MYO16: variants seen among roughly 807,000 people sequenced by gnomAD.
MYO16 encodes unconventional myosin-XVI.
Under a neutral mutation model 205.3 loss-of-function variants are expected in MYO16, and 94 were observed. The ratio of observed to expected loss-of-function variants is 0.46; its 90% CI spans 0.39 to 0.54. MYO16 has a LOEUF of 0.54. MYO16 is among the 20% of genes least tolerant of loss of function. MYO16 has a pLI of 0.00. For synonymous variants in MYO16, 988 were observed against 954.0 expected (o/e 1.04, Z -0.66); for missense variants, 2,315 against 2,387.5 (o/e 0.97, Z 0.63).
At chr13:108,585,698 A>C in the MYO16 span, among the ~76,000 whole-genome samples, 1 of 152,190 alleles carries the variant, frequency 6.6e-6, no homozygotes, top group Non-Finnish European at 1.5e-5. Context: ...TTGTTTCATA[A>C]TGTCATGCCA....
chr13:109,138,561 ATAT>A (rs1876887151), intron 31 of MYO16, among the ~76,000 whole-genome samples: 1 of 152,074 alleles, frequency 6.6e-6, no homozygotes, highest in Admixed American at 6.5e-5. Flanking sequence ...TCTTGTAATA[ATAT>A]TATGCTCATT....
At chr13:108,499,634 A>G in the MYO16 span, among the ~76,000 whole-genome samples, 1 of 152,224 alleles carries the variant, frequency 6.6e-6, no homozygotes, top group African/African-American at 2.4e-5. Flanking sequence ...ACAATAAACC[A>G]GGCCATTAAT....
chr13:108,533,155 T>C, the MYO16 span, among the ~76,000 whole-genome samples: 7 of 152,160 alleles, frequency 4.6e-5, no homozygotes, highest in Admixed American at 2.6e-4. Context: ...GAGAGGACCA[T>C]TCATGTCAGG....
rs181218520 is a variant in MYO16, at chr13:108,986,033, G to A, written c.2370-6343G>A. On this transcript the variant is annotated intron_variant, in intron 20 of 34. Coordinates refer to ENST00000457511, the MANE Select transcript of MYO16 (RefSeq NM_001198950.3). ...GGCAGAAGGCGAAGGAGGAGCAGAG[G>A]CACATCTTACATGGCAGCAGGCAAG... Among the ~76,000 whole-genome samples, 1,042 of 152,248 alleles carry A rather than the reference G, an allele frequency of 6.8e-3. 10 individuals are homozygous for A. Among genetic ancestry groups the A allele is most frequent in the Non-Finnish European group, 0.011 (733 of 68,020 alleles).
chr13:108,859,044 G>T (rs196156), intron 11 of MYO16, among the ~76,000 whole-genome samples: 21,472 of 152,044 alleles, frequency 0.14, 1,675 homozygotes, highest in East Asian at 0.28. Flanking sequence ...CAGTCTATTT[G>T]AAATCGCAAA....
rs1336841482 is a variant in MYO16 at position 108,729,558 on chromosome 13, TCTGA to T, written c.507+1978_507+1981del. 4.6e-5 allele frequency among the ~76,000 whole-genome samples: 7 copies of T among 152,336 alleles called. No homozygotes were observed. The East Asian group carries it at 1.2e-3, about 25-fold the overall frequency. On this transcript the variant is annotated intron_variant, in intron 4 of 34. Coordinates refer to ENST00000457511, the MANE Select transcript of MYO16 (RefSeq NM_001198950.3). ...TCAAAGCCCATCCTTATTTCTTTTC[TCTGA>T]CTAATTATTATTAATTAAATTAAGC...
chr13:108,585,810 G>A, the MYO16 span, among the ~76,000 whole-genome samples: 1 of 152,120 alleles, frequency 6.6e-6, no homozygotes, highest in East Asian at 1.9e-4. Context: ...CCCTTAGGTA[G>A]GAATTTGGGC....
chr13:108,650,755 A>G (rs1880963340), intron 1 of MYO16, among the ~76,000 whole-genome samples: 2 of 152,184 alleles, frequency 1.3e-5, no homozygotes, highest in African/African-American at 2.4e-5. Context: ...GAGCTCTTAC[A>G]TCTTGAAGAC....
intron 6 of MYO16, among the ~76,000 whole-genome samples, chr13:108,799,939 C>A (rs1566337300): frequency 6.6e-6 from 1 of 152,154 alleles, no homozygotes; most frequent in Non-Finnish European, 1.5e-5. Flanking sequence ...ACTGAGCCCT[C>A]TTTAGATGGT....
At chr13:108,980,088 T>A (rs543616338) in intron 20 of MYO16, among the ~76,000 whole-genome samples, 1 of 152,144 alleles carries the variant, frequency 6.6e-6, no homozygotes. Flanking sequence ...ATTTATCAGA[T>A]CTAGGAGAAT....
chr13:108,594,293 T>TCCCTCTTG (rs1025439807), upstream of MYO16, among the ~76,000 whole-genome samples: 7 of 152,308 alleles, frequency 4.6e-5, no homozygotes, highest in African/African-American at 1.7e-4. Context: ...ATCCTGTAAG[T>TCCCTCTTG]CCCTCTTGCT....
chr13:109,101,180 G>A (rs956843820), intron 28 of MYO16: 3 of 280,076 alleles, frequency 1.1e-5, no homozygotes, highest in Non-Finnish European at 2.1e-5. Context: ...TGTCAGTAAA[G>A]CATTTTGTCA....
intron 1 of MYO16, among the ~76,000 whole-genome samples, chr13:108,621,923 A>G (rs1879557870): frequency 6.6e-6 from 1 of 152,134 alleles, no homozygotes; most frequent in Non-Finnish European, 1.5e-5. Flanking sequence ...GACTGTGCCT[A>G]ATTTATAAAC....
rs1886439002 is a variant in MYO16 at position 108,785,750 on chromosome 13, A to G, written c.616+7A>G. 1.3e-6 allele frequency: 2 copies of G among 1,524,198 alleles called. No individual in the cohort carries two copies. Among genetic ancestry groups the G allele is most frequent in the Non-Finnish European group, 9.0e-7 (1 of 1,109,018 alleles). 94.4% of individuals were successfully genotyped at this position (1,524,198 alleles called of 1,614,324 possible). A position where few individuals can be genotyped will look rare whatever the true frequency, so the allele number is the denominator to read the frequency against. ...ACCTATCTGGATGAAAATGGTAGGC[A>G]AAAACTTTTAAAACCATAGAAAAAA... is the stretch of plus-strand genomic sequence containing the variant. On this transcript the variant is annotated splice_region_variant and intron_variant, in intron 5 of 34. Transcript: ENST00000457511.
intron 31 of MYO16, among the ~76,000 whole-genome samples, chr13:109,133,535 C>T (rs1205892096): frequency 6.6e-6 from 1 of 152,158 alleles, no homozygotes; most frequent in Non-Finnish European, 1.5e-5. Flanking sequence ...ACGTGACACA[C>T]ATGTCCGTAT....
At chr13:108,714,266 A>G (rs1434108619) in intron 3 of MYO16, among the ~76,000 whole-genome samples, 4 of 152,154 alleles carry the variant, frequency 2.6e-5, no homozygotes, top group Non-Finnish European at 4.4e-5. Context: ...CATGTTCGCT[A>G]GGATAGTCTG....
chr13:108,680,475 G>A (rs1269651601), intron 2 of MYO16, among the ~76,000 whole-genome samples: 1 of 152,132 alleles, frequency 6.6e-6, no homozygotes, highest in Admixed American at 6.6e-5. Context: ...ATGGTGTCTG[G>A]ATTAACCTCT....
At chr13:108,871,361 T>C (rs1879053262) in intron 12 of MYO16, among the ~76,000 whole-genome samples, 1 of 148,532 alleles carries the variant, frequency 6.7e-6, no homozygotes, top group South Asian at 2.1e-4. Context: ...TGTGTGTGTG[T>C]GTCTGTGTGT....
chr13:108,878,912 G>A (rs145898258), intron 12 of MYO16, among the ~76,000 whole-genome samples: 1 of 152,234 alleles, frequency 6.6e-6, no homozygotes, highest in African/African-American at 2.4e-5. Flanking sequence ...AACATGTAGG[G>A]TTGCACTGAA....
Sources: gnomAD v4.1 joint callset for allele counts (sites outside exome capture counted in the v4.1 genomes callset) on GRCh38, gnomAD v4.1.1 for gene constraint, MANE v1.5 for transcripts, NCBI Gene and HGNC (gene_info 2026-07-23, HGNC 2026-07-21) for gene names.